The following DCC variants were observed in gnomAD, a reference collection of about 807,000 sequenced individuals.
DCC encodes the protein DCC netrin 1 receptor.
Under a neutral mutation model 172.5 loss-of-function variants are expected in DCC, and 58 were observed. That is an observed-to-expected ratio of 0.34 (90% CI 0.27 to 0.42). DCC has a LOEUF of 0.42. Among genes scored for constraint, DCC ranks in the 10% least tolerant of loss-of-function variants. The pLI is 1.00. For synonymous variants in DCC, 709 were observed against 644.5 expected (o/e 1.10, Z -1.52); for missense variants, 1,740 against 1,791.0 (o/e 0.97, Z 0.51).
At chr18:52,818,615 C>A (rs970161831) in intron 2 of DCC, among the ~76,000 whole-genome samples, 3 of 151,974 alleles carry the variant, frequency 2.0e-5, no homozygotes, top group African/African-American at 4.8e-5. Flanking sequence ...AAATAAGGAA[C>A]CCAAAACAGG....
intron 5 of DCC, among the ~76,000 whole-genome samples, chr18:52,958,890 A>G (rs142330143): frequency 9.2e-5 from 14 of 152,282 alleles, no homozygotes; most frequent in African/African-American, 2.9e-4. Flanking sequence ...TGTCCAACCC[A>G]CAGCCCGCGG....
chr18:53,247,952 C>T (rs2056384507), intron 12 of DCC, among the ~76,000 whole-genome samples: 1 of 151,980 alleles, frequency 6.6e-6, no homozygotes, highest in Non-Finnish European at 1.5e-5. Context: ...TCTTGACTTT[C>T]TCAAGTCCCA....
intron 1 of DCC, among the ~76,000 whole-genome samples, chr18:52,664,815 C>A (rs183931680): frequency 7.2e-4 from 109 of 152,292 alleles, no homozygotes; most frequent in African/African-American, 2.5e-3. Context: ...CTGATACCAT[C>A]TTCCTGTTAT....
intron 1 of DCC, among the ~76,000 whole-genome samples, chr18:52,459,795 T>C (rs1010245152): frequency 1.3e-5 from 2 of 152,016 alleles, no homozygotes; most frequent in Non-Finnish European, 2.9e-5. Flanking sequence ...TGTTCCTGCA[T>C]TAGTTTGTTA....
chr18:52,804,710 A>G (rs1568114969), intron 2 of DCC, among the ~76,000 whole-genome samples: 1 of 152,056 alleles, frequency 6.6e-6, no homozygotes, highest in Non-Finnish European at 1.5e-5. Context: ...CAGCCTCCTG[A>G]GTTGCTGGGA....
chr18:52,496,144 G>A (rs890354604), intron 1 of DCC, among the ~76,000 whole-genome samples: 7 of 152,036 alleles, frequency 4.6e-5, no homozygotes, highest in African/African-American at 1.7e-4. Flanking sequence ...TTGGCTTCAG[G>A]TAAAATCACG....
At chr18:53,309,188 T>G (rs1340929278) in intron 13 of DCC, among the ~76,000 whole-genome samples, 3 of 152,002 alleles carry the variant, frequency 2.0e-5, no homozygotes, top group Non-Finnish European at 4.4e-5. Flanking sequence ...TAGGTGTGTT[T>G]CACCACACCC....
chr18:53,526,203 T>A (rs2046453137), intron 27 of DCC, among the ~76,000 whole-genome samples: 1 of 152,178 alleles, frequency 6.6e-6, no homozygotes, highest in African/African-American at 2.4e-5. Context: ...CCATCTCTTC[T>A]AACTCTGCAA....
At chr18:53,529,038 T>TCTCTCTCACACA (rs1203799842) in intron 28 of DCC, among the ~76,000 whole-genome samples, 9 of 65,182 alleles carry the variant, frequency 1.4e-4, no homozygotes, top group Admixed American at 3.5e-4. Context: ...TCTCTCTCTC[T>TCTCTCTCACACA]CACACACACA....
intron 7 of DCC, among the ~76,000 whole-genome samples, chr18:53,147,151 T>A (rs138967489): frequency 6.6e-6 from 1 of 152,208 alleles, no homozygotes; most frequent in Admixed American, 6.5e-5. Flanking sequence ...TCAATATGCC[T>A]CTTCTATGGT....
intron 19 of DCC, among the ~76,000 whole-genome samples, chr18:53,405,215 T>G (rs978753999): frequency 4.7e-5 from 7 of 149,774 alleles, no homozygotes; most frequent in African/African-American, 1.7e-4. Context: ...AGAAATGAGC[T>G]CTTTCTCAGT....
intron 1 of DCC, among the ~76,000 whole-genome samples, chr18:52,655,911 A>G (rs1253010056): frequency 1.3e-5 from 2 of 151,302 alleles, no homozygotes; most frequent in Admixed American, 1.3e-4. Flanking sequence ...TGAATTGCCA[A>G]TGCTCAGCAG....
At chr18:52,536,450 C>G (rs569719521) in intron 1 of DCC, among the ~76,000 whole-genome samples, 1 of 152,186 alleles carries the variant, frequency 6.6e-6, no homozygotes, top group South Asian at 2.1e-4. Flanking sequence ...ACATGTCTTT[C>G]CTCACAGATC....
chr18:53,414,410 G>A (rs1273450913), intron 20 of DCC, among the ~76,000 whole-genome samples: 1 of 152,144 alleles, frequency 6.6e-6, no homozygotes, highest in Non-Finnish European at 1.5e-5. Context: ...TTTGGGGCAA[G>A]TCTGTGGCTT....
rs558782333 is a variant in DCC at position 53,339,125 on chromosome 18, A to G, written c.2165-588A>G. Among the ~76,000 whole-genome samples, 5 of 152,314 alleles carry G rather than the reference A, an allele frequency of 3.3e-5. No individual in the cohort carries two copies. The East Asian group carries it at 9.7e-4, about 29-fold the overall frequency. On this transcript the variant is annotated intron_variant, in intron 14 of 28. Transcript: ENST00000442544. Reference sequence around the variant, plus strand: ...CATTAAACCAAATTTGCACAGGTCCAAAGGTTGTGAGGCTTTAATCCAGGC... The same window carrying G: ...CATTAAACCAAATTTGCACAGGTCCGAAGGTTGTGAGGCTTTAATCCAGGC...
At chr18:53,242,785 C>T (rs2056316111) in intron 12 of DCC, among the ~76,000 whole-genome samples, 1 of 152,096 alleles carries the variant, frequency 6.6e-6, no homozygotes, top group South Asian at 2.1e-4. Context: ...ATTATCCAAT[C>T]TTTCACATAC....
intron 2 of DCC, among the ~76,000 whole-genome samples, chr18:52,770,164 C>A (rs774227250): frequency 1.3e-5 from 2 of 152,184 alleles, no homozygotes; most frequent in Non-Finnish European, 2.9e-5. Flanking sequence ...TCTCTCTTTT[C>A]CTCTCCTTCC....
chr18:53,297,054 G>A (rs1242139958), intron 12 of DCC, among the ~76,000 whole-genome samples: 1 of 152,174 alleles, frequency 6.6e-6, no homozygotes, highest in East Asian at 1.9e-4. Flanking sequence ...TGTGCAGTAG[G>A]AGATGTGGAG....
At chr18:52,802,482 T>A (rs2038009617) in intron 2 of DCC, among the ~76,000 whole-genome samples, 1 of 15,132 alleles carries the variant, frequency 6.6e-5, no homozygotes, top group South Asian at 1.7e-3. Context: ...TCCCAGCAAT[T>A]TTTTTTTTTT....
Sources: gnomAD v4.1 joint callset for allele counts (sites outside exome capture counted in the v4.1 genomes callset) on GRCh38, gnomAD v4.1.1 for gene constraint, MANE v1.5 for transcripts, NCBI Gene and HGNC (gene_info 2026-07-23, HGNC 2026-07-21) for gene names.